The following ZNF385D variants were observed in gnomAD, a reference collection of about 807,000 sequenced individuals.
ZNF385D encodes zinc finger protein 385D.
ZNF385D carries 15 observed loss-of-function variants against 35.8 expected under a neutral mutation model. The ratio of observed to expected loss-of-function variants is 0.42; its 90% confidence interval spans 0.28 to 0.64. The LOEUF (loss-of-function observed/expected upper bound fraction) is 0.64. Among genes scored for constraint, ZNF385D ranks in the 30% least tolerant of loss-of-function variants. The pLI, the probability that ZNF385D is intolerant of heterozygous loss-of-function variation, is 0.23. For missense variants in ZNF385D, 474 were observed against 494.6 expected (o/e 0.96, Z 0.39); for synonymous variants, 212 against 186.8 (o/e 1.13, Z -1.10).
chr3:21,982,740 T>C (rs555093900), intron 3 of ZNF385D, among the ~76,000 whole-genome samples: 1 of 152,318 alleles, frequency 6.6e-6, no homozygotes, highest in African/African-American at 2.4e-5. Context: ...TGGCTCTTAT[T>C]ATTTTGAGGT....
intron 3 of ZNF385D, among the ~76,000 whole-genome samples, chr3:21,919,923 T>C (rs1052843543): frequency 3.3e-5 from 5 of 152,208 alleles, no homozygotes; most frequent in African/African-American, 1.2e-4. Context: ...GACTTTCGTG[T>C]GCCTTACTCT....
chr3:21,617,673 T>C (rs2064887873), intron 2 of ZNF385D, among the ~76,000 whole-genome samples: 1 of 152,216 alleles, frequency 6.6e-6, no homozygotes, highest in Non-Finnish European at 1.5e-5. Flanking sequence ...ATAAATGCTC[T>C]TGGCCACTCC....
intron 1 of ZNF385D, among the ~76,000 whole-genome samples, chr3:21,699,909 A>G (rs1275439532): frequency 3.6e-5 from 5 of 139,628 alleles, no homozygotes. Context: ...TTGGCTCACT[A>G]CAAAACCCAC....
chr3:21,885,521 C>A (rs932759864), intron 3 of ZNF385D, among the ~76,000 whole-genome samples: 2 of 151,846 alleles, frequency 1.3e-5, no homozygotes, highest in Non-Finnish European at 1.5e-5. Context: ...TTTGTCAAAT[C>A]ATGCTTAAAT....
At chr3:21,523,537 T>A (rs1283981814) in intron 3 of ZNF385D, among the ~76,000 whole-genome samples, 1 of 152,104 alleles carries the variant, frequency 6.6e-6, no homozygotes, top group African/African-American at 2.4e-5. Flanking sequence ...CTTCTGAGGG[T>A]CTTCTTCAAT....
At chr3:22,007,304 A>G (rs1344959073) in intron 3 of ZNF385D, among the ~76,000 whole-genome samples, 1 of 152,224 alleles carries the variant, frequency 6.6e-6, no homozygotes, top group Non-Finnish European at 1.5e-5. Flanking sequence ...TCAATTCATA[A>G]GTGTTCATAA....
At chr3:21,883,664 G>C (rs1268750364) in intron 3 of ZNF385D, among the ~76,000 whole-genome samples, 1 of 152,008 alleles carries the variant, frequency 6.6e-6, no homozygotes, top group Non-Finnish European at 1.5e-5. Context: ...GTTGATGCAC[G>C]ATGCTGCCTG....
intron 4 of ZNF385D, among the ~76,000 whole-genome samples, chr3:21,499,683 A>C (rs1706221630): frequency 6.6e-6 from 1 of 152,078 alleles, no homozygotes; most frequent in East Asian, 1.9e-4. Flanking sequence ...CAATAAAATA[A>C]GGCCCAAATG....
At chr3:21,918,764 A>T (rs1028868843) in intron 3 of ZNF385D, among the ~76,000 whole-genome samples, 5 of 152,128 alleles carry the variant, frequency 3.3e-5, no homozygotes, top group Admixed American at 1.3e-4. Flanking sequence ...AGAAGTGTGC[A>T]GTGTTTAAGT....
chr3:22,008,164 G>A (rs867090879), intron 3 of ZNF385D, among the ~76,000 whole-genome samples: 1 of 152,082 alleles, frequency 6.6e-6, no homozygotes, highest in Middle Eastern at 3.4e-3. Flanking sequence ...TGGAACCGAA[G>A]CTCCTCATAA....
chr3:22,161,449 T>G (rs1705942628), intron 3 of ZNF385D, among the ~76,000 whole-genome samples: 1 of 152,188 alleles, frequency 6.6e-6, no homozygotes, highest in African/African-American at 2.4e-5. Flanking sequence ...ATCATAAATA[T>G]AAAATCAAAG....
intron 3 of ZNF385D, among the ~76,000 whole-genome samples, chr3:21,758,318 G>T (rs968611218): frequency 6.6e-6 from 1 of 152,178 alleles, no homozygotes; most frequent in African/African-American, 2.4e-5. Context: ...CATAGGCATG[G>T]CCTATGAGGT....
At chr3:21,891,607 T>A (rs1698871427) in intron 3 of ZNF385D, among the ~76,000 whole-genome samples, 1 of 152,188 alleles carries the variant, frequency 6.6e-6, no homozygotes, top group African/African-American at 2.4e-5. Context: ...CAGGAAATAA[T>A]AAATATTCAT....
intron 3 of ZNF385D, among the ~76,000 whole-genome samples, chr3:22,159,859 C>T (rs779040714): frequency 6.6e-6 from 1 of 151,966 alleles, no homozygotes; most frequent in South Asian, 2.1e-4. Context: ...AGGATATGGT[C>T]GGTAAGAGAA....
At chr3:22,046,066 T>C (rs1175467271) in intron 3 of ZNF385D, among the ~76,000 whole-genome samples, 1 of 149,750 alleles carries the variant, frequency 6.7e-6, no homozygotes, top group Non-Finnish European at 1.5e-5. Context: ...CAGATTCAGC[T>C]GGGAGGAAAA....
chr3:21,814,516 A>T (rs1397662900), intron 3 of ZNF385D, among the ~76,000 whole-genome samples: 10 of 152,318 alleles, frequency 6.6e-5, no homozygotes, highest in Non-Finnish European at 1.2e-4. Flanking sequence ...AAAACAAAAA[A>T]AGCAGGGGTG....
intron 1 of ZNF385D, among the ~76,000 whole-genome samples, chr3:21,685,807 G>A (rs1425874812): frequency 1.3e-5 from 2 of 152,184 alleles, no homozygotes; most frequent in East Asian, 1.9e-4. Flanking sequence ...AGTGCTGGAG[G>A]TACAAATGAT....
intron 3 of ZNF385D, among the ~76,000 whole-genome samples, chr3:22,075,012 A>G (rs1473999328): frequency 1.3e-5 from 2 of 151,918 alleles, no homozygotes; most frequent in Non-Finnish European, 2.9e-5. Flanking sequence ...AGTTAGTTCA[A>G]TAGCCCTCAA....
At chr3:22,084,971 G>A (rs1269558478) in intron 3 of ZNF385D, among the ~76,000 whole-genome samples, 1 of 152,180 alleles carries the variant, frequency 6.6e-6, no homozygotes, top group Admixed American at 6.5e-5. Flanking sequence ...GCTCCTGAAT[G>A]ACTACCGGGT....
Sources: allele counts gnomAD v4.1 joint callset (sites outside exome capture counted in the v4.1 genomes callset), GRCh38; gene constraint gnomAD v4.1.1; transcripts MANE v1.5; gene names NCBI Gene and HGNC (gene_info 2026-07-23, HGNC 2026-07-21).